ASCC3: variants seen among roughly 807,000 people sequenced by gnomAD.
ASCC3 encodes ASC-1 complex subunit P200.
ASCC3 carries 158 observed loss-of-function variants against 256.3 expected under a neutral mutation model. The ratio of observed to expected loss-of-function variants is 0.62; its 90% CI spans 0.54 to 0.70. The LOEUF (loss-of-function observed/expected upper bound fraction) is 0.70. ASCC3 is among the 30% of genes least tolerant of loss of function. ASCC3 has a pLI of 0.00. For missense variants in ASCC3, 2,259 were observed against 2,626.0 expected (o/e 0.86, Z 3.05); for synonymous variants, 948 against 883.4 (o/e 1.07, Z -1.30).
intron 36 of ASCC3, among the ~76,000 whole-genome samples, chr6:100,584,814 A>G (rs151013407): frequency 6.6e-6 from 1 of 152,052 alleles, no homozygotes; most frequent in Admixed American, 6.6e-5. Flanking sequence ...GCTTGTCTGT[A>G]AAGTATTTTA....
At chr6:100,523,485 G>C (rs893416243) in intron 37 of ASCC3, among the ~76,000 whole-genome samples, 9 of 152,130 alleles carry the variant, frequency 5.9e-5, no homozygotes, top group Non-Finnish European at 1.3e-4. Flanking sequence ...TGCTTCCAGA[G>C]TATGTGGGCA....
chr6:100,798,590 A>G (rs1769748907), intron 8 of ASCC3, 123 bp downstream of exon 8: 8 of 1,436,394 alleles, frequency 5.6e-6, no homozygotes, highest in Non-Finnish European at 7.6e-6. Flanking sequence ...CTAGTAACCA[A>G]CTATATATGT....
At chr6:100,724,796 A>G (rs1779548778) in intron 11 of ASCC3, among the ~76,000 whole-genome samples, 1 of 151,948 alleles carries the variant, frequency 6.6e-6, no homozygotes, top group Non-Finnish European at 1.5e-5. Flanking sequence ...GTGAGAAAGG[A>G]AACTGGTGAA....
chr6:100,679,776 T>C (rs1279583169), intron 13 of ASCC3, 24 bp from the exon 14 acceptor site: 3 of 1,610,922 alleles, frequency 1.9e-6, no homozygotes, highest in East Asian at 2.2e-5. Context: ...AAGCAGTTTA[T>C]TTAATATTCC....
intron 36 of ASCC3, among the ~76,000 whole-genome samples, chr6:100,572,193 T>G (rs1276034799): frequency 6.6e-6 from 1 of 151,942 alleles, no homozygotes; most frequent in Non-Finnish European, 1.5e-5. Context: ...GGTGATTAGG[T>G]CATGAAAGCA....
At chr6:100,588,531 CT>C (rs1771824135) in intron 36 of ASCC3, among the ~76,000 whole-genome samples, 1 of 152,046 alleles carries the variant, frequency 6.6e-6, no homozygotes, top group Non-Finnish European at 1.5e-5. Flanking sequence ...TAAATTTTTA[CT>C]TTCTTAAAAA....
At chr6:100,628,532 G>A (rs1774367637) in intron 27 of ASCC3, among the ~76,000 whole-genome samples, 1 of 152,132 alleles carries the variant, frequency 6.6e-6, no homozygotes, top group African/African-American at 2.4e-5. Context: ...ATGACAGTGA[G>A]TGAATTCTCA....
chr6:100,650,783 A>C, intron 19 of ASCC3, 69 bp from the exon 20 acceptor site: 1 of 1,196,604 alleles, frequency 8.4e-7, no homozygotes. Flanking sequence ...TTGAAATTAA[A>C]TACATTGCAT....
At position 100,709,943 on chromosome 6, in the gene ASCC3, A is replaced by C. The variant is rs114424862; in HGVS notation, c.2151+5519T>G. Among the ~76,000 whole-genome samples the C allele has an allele frequency of 0.014, 2,177 of 152,272 alleles. 102 individuals carry two copies. In the East Asian group the frequency reaches 0.15, roughly 10 times the overall value. Reference sequence around the variant, plus strand: ...GGAGATATGTAGGTATTTCTACAAAACCTGAAGTCCCACTCTTACGGAAAA... The same window carrying C: ...GGAGATATGTAGGTATTTCTACAAACCCTGAAGTCCCACTCTTACGGAAAA... On this transcript the variant is annotated intron_variant, in intron 13 of 41. Transcript: ENST00000369162.
chr6:100,509,317 C>T lies in ASCC3; in HGVS notation c.*69G>A, dbSNP rs1207293075. On this transcript the variant is annotated 3_prime_UTR_variant, in exon 42 of 42. Transcript: ENST00000369162. ...CTTTCAAGGCAAACATCAAGTAATT[C>T]GATTTGTCTAGATGACTGAACAGAG... 1.1e-5 allele frequency: 18 copies of T among 1,588,198 alleles called. No homozygotes were observed. Among genetic ancestry groups the T allele is most frequent in the Admixed American group, 6.7e-5 (4 of 59,914 alleles).
At chr6:100,872,473 G>GA (rs1554251086) in intron 1 of ASCC3, among the ~76,000 whole-genome samples, 3 of 124,142 alleles carry the variant, frequency 2.4e-5, no homozygotes, top group African/African-American at 8.9e-5. Flanking sequence ...AAGGGTCGGG[G>GA]GGGGATCATG....
intron 34 of ASCC3, among the ~76,000 whole-genome samples, chr6:100,594,209 G>A (rs1281665809): frequency 6.6e-6 from 1 of 151,930 alleles, no homozygotes; most frequent in Non-Finnish European, 1.5e-5. Context: ...TATAAAAATG[G>A]TCTTTCTTTT....
Position 100,805,769 on chromosome 6 carries a change from C to A in ASCC3, c.913G>T (p.Ala305Ser), listed in dbSNP as rs768860627. 6.2e-7 allele frequency: 1 copy of A among 1,610,646 alleles called. No homozygotes were observed. The highest frequency in any genetic ancestry group is 1.3e-5 in the African/African-American group (1 of 74,766). The change falls in exon 5 of 42, where the codon GCT becomes TCT. Residue 305 changes from alanine to serine, a missense_variant. Physicochemically the swap from Ala to Ser is moderately conservative, Grantham distance 99 (BLOSUM62 1). Transcript: ENST00000369162. ...CTGCATACTTTCTTACCTTGAAGAG[C>A]CTGAAACCTATGATCATTTGAAGAA... ...LNSSNDHRFQ[A>S]LQDNCKKILG...
At chr6:100,598,643 C>T (rs1772437728) in intron 34 of ASCC3, among the ~76,000 whole-genome samples, 1 of 152,110 alleles carries the variant, frequency 6.6e-6, no homozygotes, top group Admixed American at 6.5e-5. Context: ...ACCTACCCAG[C>T]TCCCTGTGTG....
At chr6:100,702,954 C>A (rs1197569384) in intron 13 of ASCC3, among the ~76,000 whole-genome samples, 2 of 152,118 alleles carry the variant, frequency 1.3e-5, no homozygotes, top group African/African-American at 4.8e-5. Context: ...CCTAGGTCAA[C>A]ATGATTTTTC....
intron 11 of ASCC3, among the ~76,000 whole-genome samples, chr6:100,718,752 G>GAATAAA (rs1278350635): frequency 2.6e-5 from 4 of 151,594 alleles, no homozygotes; most frequent in Admixed American, 6.6e-5. Context: ...ATAAATACAT[G>GAATAAA]AATAAAAATA....
At chr6:100,578,191 G>A (rs912462371) in intron 36 of ASCC3, among the ~76,000 whole-genome samples, 1 of 151,978 alleles carries the variant, frequency 6.6e-6, no homozygotes, top group Non-Finnish European at 1.5e-5. Context: ...GAATTCAGAG[G>A]ATAAGGTATA....
chr6:100,655,573 C>T, intron 17 of ASCC3, 126 bp downstream of exon 17: 5 of 1,091,612 alleles, frequency 4.6e-6, no homozygotes, highest in Non-Finnish European at 6.5e-6. Context: ...AATATTAAAT[C>T]TCTTGTTTTT....
intron 4 of ASCC3, among the ~76,000 whole-genome samples, chr6:100,833,236 T>A (rs138303337): frequency 1.0e-3 from 152 of 152,266 alleles, no homozygotes; most frequent in Middle Eastern, 3.4e-3. Context: ...TTCAACTATA[T>A]GACATCTGGA....
Sources: gnomAD v4.1 joint callset for allele counts (sites outside exome capture counted in the v4.1 genomes callset) on GRCh38, gnomAD v4.1.1 for gene constraint, MANE v1.5 for transcripts, NCBI Gene and HGNC (gene_info 2026-07-23, HGNC 2026-07-21) for gene names.